Variants in ANAPC7 observed in about 807,000 individuals in gnomAD.
ANAPC7 encodes the protein anaphase promoting complex subunit 7.
Under a neutral mutation model 63.3 loss-of-function variants are expected in ANAPC7, and 25 were observed. The ratio of observed to expected loss-of-function variants is 0.39; its 90% confidence interval spans 0.29 to 0.55. The LOEUF (loss-of-function observed/expected upper bound fraction) is 0.55. Ranked by LOEUF, ANAPC7 falls within the 20% of genes least tolerant of loss-of-function variation. ANAPC7 has a pLI of 0.57. For missense variants in ANAPC7, 516 were observed against 691.7 expected (o/e 0.75, Z 2.85); for synonymous variants, 241 against 251.7 (o/e 0.96, Z 0.40).
chr12:110,377,727 C>T (rs1881419650), intron 8 of ANAPC7, 110 bp from the exon 9 acceptor site: 1 of 1,537,472 alleles, frequency 6.5e-7, no homozygotes, highest in Admixed American at 1.9e-5. Flanking sequence ...AGACAAAGGG[C>T]AGGCCACGGG....
chr12:110,403,613 G>C lies in ANAPC7; in HGVS notation c.15C>G (p.Asp5Glu), dbSNP rs754007870. Residue 5 changes from aspartate to glutamate, a missense_variant, in exon 1 of 11, where the codon GAC (aspartate) becomes GAG (glutamate). Physicochemically the swap from Asp to Glu is conservative, Grantham distance 45. This residue lies in a region of ANAPC7 where 185 missense variants were observed against 200.3 expected (regional missense o/e 0.92). Coordinates refer to ENST00000455511, the MANE Select transcript of ANAPC7 (RefSeq NM_016238.3). ...CCGCGGCCGCCATGTCCCGCACGTG[G>C]TCTATCACATTCATCCTGCTCTGCA... MNVI[D>E]HVRDMAAAGL... 1.2e-6 allele frequency: 2 copies of C among 1,605,662 alleles called. No homozygotes were observed. Among genetic ancestry groups the C allele is most frequent in the East Asian group, 2.2e-5 (1 of 44,580 alleles).
At position 110,396,107 on chromosome 12, in the gene ANAPC7, C is replaced by T. The variant is rs139780260; in HGVS notation, c.288+159G>A. ...ATGCCGCAGCTGATCTGACAGGAGG[C>T]GGAGCTCAGGCAGTAATATTCACTA... is the stretch of plus-strand genomic sequence containing the variant. On this transcript the variant is annotated intron_variant, in intron 2 of 10. Coordinates refer to ENST00000455511, the MANE Select transcript of ANAPC7 (RefSeq NM_016238.3). Among the ~76,000 whole-genome samples the T allele has an allele frequency of 2.5e-3, 380 of 152,056 alleles. 5 individuals carry two copies. Among genetic ancestry groups the T allele is most frequent in the Non-Finnish European group, 1.8e-3 (125 of 67,984 alleles).
chr12:110,381,092 A>C (rs1307296983), intron 8 of ANAPC7, among the ~76,000 whole-genome samples: 1 of 151,672 alleles, frequency 6.6e-6, no homozygotes, highest in Non-Finnish European at 1.5e-5. Context: ...CTATACCCTC[A>C]CCAAAAACCA....
At chr12:110,382,456 AAAAAAATATATATATAT>A (rs1431274196) in intron 7 of ANAPC7, among the ~76,000 whole-genome samples, 9 of 86,178 alleles carry the variant, frequency 1.0e-4, no homozygotes, top group Admixed American at 4.1e-4. Context: ...AAAAAAAAAA[AAAAAAATATATATATAT>A]ATATATATAT....
chr12:110,398,116 A>T (rs2062170519), intron 1 of ANAPC7, among the ~76,000 whole-genome samples: 1 of 151,300 alleles, frequency 6.6e-6, no homozygotes, highest in Admixed American at 6.6e-5. Flanking sequence ...TGCGGTGGCG[A>T]GTGCCTGTAA....
chr12:110,378,375 TA>T (rs1263632946), intron 8 of ANAPC7, among the ~76,000 whole-genome samples: 1 of 152,252 alleles, frequency 6.6e-6, no homozygotes, highest in Non-Finnish European at 1.5e-5. Context: ...ATTACAGGCG[TA>T]AGCCACCGTG....
In ANAPC7 at chr12:110,403,512, C is replaced by T; in HGVS notation, c.101+15G>A. On this transcript the variant is annotated intron_variant, in intron 1 of 10. Transcript: ENST00000455511. ...CTTTCTCCTCAGCCCCAGGCAGCTA[C>T]CCGCCTCAACTCACGGGTTGTTATT... is the stretch of plus-strand genomic sequence containing the variant. The T allele has an allele frequency of 1.9e-6, 3 of 1,579,264 alleles. No individual in the cohort carries two copies. The highest frequency in any genetic ancestry group is 8.6e-7 in the Non-Finnish European group (1 of 1,163,014).
intron 3 of ANAPC7, among the ~76,000 whole-genome samples, chr12:110,389,657 C>A (rs1231906408): frequency 6.6e-6 from 1 of 152,114 alleles, no homozygotes; most frequent in Non-Finnish European, 1.5e-5. Context: ...TCTGGCCGGG[C>A]GCAGTGGCTC....
intron 8 of ANAPC7, chr12:110,377,881 C>G (rs774539300): frequency 5.5e-6 from 7 of 1,274,810 alleles, no homozygotes; most frequent in Non-Finnish European, 7.1e-6. Flanking sequence ...ATGTAAGGAA[C>G]CTGCAGCATG....
intron 1 of ANAPC7, 104 bp downstream of exon 1, chr12:110,403,423 C>A (rs1011350467): frequency 1.4e-5 from 18 of 1,312,192 alleles, no homozygotes; most frequent in Admixed American, 7.0e-5. Flanking sequence ...TCCGCTGGCG[C>A]CGGCGGCCGC....
intron 1 of ANAPC7, among the ~76,000 whole-genome samples, chr12:110,398,427 A>T (rs1229556532): frequency 6.6e-6 from 1 of 152,074 alleles, no homozygotes; most frequent in Admixed American, 6.6e-5. Context: ...TCAGAAAAAA[A>T]AAAAAGTAAA....
chr12:110,381,970 A>C lies in ANAPC7; in HGVS notation c.936-22T>G, dbSNP rs768346328. 6.4e-5 allele frequency: 96 copies of C among 1,510,670 alleles called. No individual in the cohort carries two copies. The South Asian group carries it at 9.8e-4, about 15-fold the overall frequency. 93.6% of individuals were successfully genotyped at this position (1,510,670 alleles called of 1,614,324 possible). A position where few individuals can be genotyped will look rare whatever the true frequency, so the allele number is the denominator to read the frequency against. On this transcript the variant is annotated intron_variant, in intron 7 of 10. Transcript: ENST00000455511. ...ACAGCTGGAGAAAAAAAAAAAAAAA[A>C]AAACACAAAAACCCCAGAAGTTATC...
chr12:110,396,682 T>TA (rs2062143782), intron 1 of ANAPC7, among the ~76,000 whole-genome samples: 2 of 72,732 alleles, frequency 2.7e-5, no homozygotes, highest in South Asian at 5.8e-4. Flanking sequence ...AGCTAATTTT[T>TA]GTTTTTTTTT....
At chr12:110,382,754 C>T in intron 7 of ANAPC7, 89 bp downstream of exon 7, 2 of 1,140,760 alleles carry the variant, frequency 1.8e-6, no homozygotes, top group Non-Finnish European at 2.5e-6. Context: ...CCTCTTAAAC[C>T]TGTGCTTTCA....
intron 6 of ANAPC7, among the ~76,000 whole-genome samples, chr12:110,384,616 G>T (rs184847858): frequency 4.6e-4 from 70 of 151,094 alleles, no homozygotes; most frequent in African/African-American, 1.6e-3. Context: ...ACCAGGAGGT[G>T]GAGGTTGCAG....
chr12:110,395,764 T>C (rs1274539176), intron 2 of ANAPC7, among the ~76,000 whole-genome samples: 1 of 152,004 alleles, frequency 6.6e-6, no homozygotes, highest in Non-Finnish European at 1.5e-5. Context: ...GGTTTCAATC[T>C]CCTGACCTCG....
intron 8 of ANAPC7, among the ~76,000 whole-genome samples, chr12:110,380,203 G>A (rs1217774751): frequency 2.0e-5 from 3 of 151,262 alleles, no homozygotes; most frequent in Non-Finnish European, 3.0e-5. Flanking sequence ...ATACAAAAAT[G>A]AGCTGGGTGT....
At chr12:110,399,659 C>T (rs918861086) in intron 1 of ANAPC7, among the ~76,000 whole-genome samples, 3 of 151,894 alleles carry the variant, frequency 2.0e-5, no homozygotes, top group Non-Finnish European at 4.4e-5. Flanking sequence ...TGTGCGGTGG[C>T]TTATGCCTAT....
chr12:110,398,156 G>C (rs1377689795), intron 1 of ANAPC7, among the ~76,000 whole-genome samples: 1 of 151,868 alleles, frequency 6.6e-6, no homozygotes, highest in Non-Finnish European at 1.5e-5. Context: ...TGAGGCAGGA[G>C]AATGACTTGA....
Sources: gnomAD v4.1 joint callset for allele counts (sites outside exome capture counted in the v4.1 genomes callset) on GRCh38, gnomAD v4.1.1 for gene constraint, gnomAD v4.1.1 regional missense constraint, MANE v1.5 for transcripts, NCBI Gene and HGNC (gene_info 2026-07-23, HGNC 2026-07-21) for gene names.